HSF4: variants seen among roughly 807,000 people sequenced by gnomAD.
HSF4 encodes heat shock factor protein 4.
A neutral mutation model predicts 52.0 loss-of-function variants in HSF4; 41 were observed. The ratio of observed to expected loss-of-function variants is 0.79; its 90% CI spans 0.61 to 1.02. HSF4 has a LOEUF of 1.02. HSF4 is among the 50% of genes least tolerant of loss of function. The pLI is 0.00. For synonymous variants in HSF4, 285 were observed against 273.0 expected (o/e 1.04, Z -0.43); for missense variants, 610 against 651.1 (o/e 0.94, Z 0.69).
At position 67,169,606 on chromosome 16, in the gene HSF4, G is replaced by A. The variant is rs747515444; in HGVS notation, c.1325-25G>A. 4.4e-6 allele frequency: 7 copies of A among 1,602,962 alleles called. No homozygotes were observed. Among genetic ancestry groups the A allele is most frequent in the Admixed American group, 1.7e-5 (1 of 60,012 alleles). ...GAAAGGAGGGGGAACATTTCCCCTG[G>A]TGAGCGCAGTCCCACTTCTCCTAGG... On this transcript the variant is annotated intron_variant, in intron 12 of 12. Coordinates refer to ENST00000521374, the MANE Select transcript of HSF4 (RefSeq NM_001374675.1). The surrounding 1 kb of genome is among the most constrained non-coding windows in gnomAD (Gnocchi z 4.3).
At chr16:67,164,386 C>G, upstream of HSF4, 2 of 416,036 alleles carry the variant, frequency 4.8e-6, no homozygotes, top group Non-Finnish European at 9.7e-6. Flanking sequence ...GCCCCCCCTT[C>G]CTATCTGCTT....
Position 67,169,878 on chromosome 16 carries a change from C to G in HSF4, c.*93C>G. On this transcript the variant is annotated 3_prime_UTR_variant, in exon 13 of 13. Transcript: ENST00000521374. The surrounding 1 kb of genome is among the most constrained non-coding windows in gnomAD (Gnocchi z 4.3). ...CCCCTATCGGGGGTGAGCGAAGCCC[C>G]CACTACTAAATGGCCTCTCTCCACT... 1 of 1,377,928 alleles carries G rather than the reference C, an allele frequency of 7.3e-7. No homozygotes were observed. The highest frequency in any genetic ancestry group is 1.0e-6 in the Non-Finnish European group (1 of 970,296). 85.4% of individuals were successfully genotyped at this position (1,377,928 alleles called of 1,614,324 possible). A position where few individuals can be genotyped will look rare whatever the true frequency, so the allele number is the denominator to read the frequency against.
chr16:67,165,325 C>T lies in HSF4; in HGVS notation c.124-197C>T. 1.6e-6 allele frequency: 1 copy of T among 618,518 alleles called. No homozygotes were observed. Among genetic ancestry groups the T allele is most frequent in the South Asian group, 1.9e-5 (1 of 52,770 alleles). 38.3% of individuals were successfully genotyped at this position (618,518 alleles called of 1,614,324 possible). ...GTCAGGGTCTGGCTGGGGGTAGGGA[C>T]TCACTGTGGTCGCTCCAGGCTAGGC... On this transcript the variant is annotated intron_variant, in intron 1 of 12. Transcript: ENST00000521374. The surrounding 1 kb of genome is among the most constrained non-coding windows in gnomAD (Gnocchi z 6.9).
At chr16:67,167,301 A>G in intron 7 of HSF4, 79 bp downstream of exon 7, 1 of 1,610,194 alleles carries the variant, frequency 6.2e-7, no homozygotes, top group Non-Finnish European at 8.5e-7. Context: ...ATCCCCTAAA[A>G]GGAAGAGAAG....
upstream of HSF4, chr16:67,164,626 C>T (rs772601480): frequency 1.9e-3 from 1,214 of 623,946 alleles, 3 homozygotes; most frequent in Non-Finnish European, 3.0e-3. Flanking sequence ...TCCAGCCAGC[C>T]TTTTCTGCCT....
At chr16:67,164,129 G>C, upstream of HSF4, 2 of 660,848 alleles carry the variant, frequency 3.0e-6, no homozygotes, top group Non-Finnish European at 5.5e-6. Flanking sequence ...GCACGGGCGC[G>C]GGCCGGGCCT....
chr16:67,169,240 A>G lies in HSF4; in HGVS notation c.1255-39A>G. On this transcript the variant is annotated intron_variant, in intron 11 of 12. Transcript: ENST00000521374. The surrounding 1 kb of genome is among the most constrained non-coding windows in gnomAD (Gnocchi z 4.3). Reference sequence around the variant, plus strand: ...TTCCCAGCTGTCCCCCTCAGCTGCTAGGTCCCCTCCCCAGCTGCTCCCTGC... The same window carrying G: ...TTCCCAGCTGTCCCCCTCAGCTGCTGGGTCCCCTCCCCAGCTGCTCCCTGC... 6.2e-7 allele frequency: 1 copy of G among 1,611,964 alleles called. No individual in the cohort carries two copies. The highest frequency in any genetic ancestry group is 8.5e-7 in the Non-Finnish European group (1 of 1,179,498).
rs759106316 is a variant in HSF4 at position 67,167,469 on chromosome 16, T to G, written c.730-6T>G. The stretch of plus-strand genomic sequence containing the variant: ...CCAAGGGCTGGGCCTAGCCTTCTAC[T>G]TACAGCCTCTCCCAGAGACAAATTT... On this transcript the variant is annotated splice_polypyrimidine_tract_variant and splice_region_variant and intron_variant, in intron 7 of 12. Coordinates refer to ENST00000521374, the MANE Select transcript of HSF4 (RefSeq NM_001374675.1). 5.0e-6 allele frequency: 8 copies of G among 1,613,684 alleles called. No individual in the cohort carries two copies. The highest frequency in any genetic ancestry group is 1.3e-5 in the African/African-American group (1 of 74,944).
At position 67,166,546 on chromosome 16, in the gene HSF4, C is replaced by A; in HGVS notation, c.562-12C>A. ...GTCCAAAGTATGAATTAAACCTTTGCTTTCTCTTCAGCTGATCCAGTGTCT... is the reference window on the plus strand; with the variant it reads ...GTCCAAAGTATGAATTAAACCTTTGATTTCTCTTCAGCTGATCCAGTGTCT... On this transcript the variant is annotated splice_polypyrimidine_tract_variant and intron_variant, in intron 5 of 12. Transcript: ENST00000521374. The A allele has an allele frequency of 6.2e-7, 1 of 1,613,942 alleles. No homozygotes were observed. The highest frequency in any genetic ancestry group is 1.1e-5 in the South Asian group (1 of 91,084).
rs765098750 is a variant in HSF4 at position 67,166,413 on chromosome 16, CCTCGCTT to C, written c.561+22_561+28del. On this transcript the variant is annotated intron_variant, in intron 5 of 12. Transcript: ENST00000521374. ...TTGGCAAGGTGTTCCTCTCCCCAAG[CCTCGCTT>C]CTCCCTCCCACTCCTCGACACCCCA... 2.3e-5 allele frequency: 37 copies of C among 1,603,412 alleles called. No individual in the cohort carries two copies. In the East Asian group the frequency reaches 5.9e-4, roughly 25 times the overall value.
upstream of HSF4, chr16:67,164,554 C>A (rs912415027): frequency 4.1e-6 from 2 of 482,188 alleles, no homozygotes; most frequent in Admixed American, 2.3e-5. Flanking sequence ...ACTCATCTCA[C>A]CCCACCCCAC....
Position 67,167,508 on chromosome 16 carries a change from C to T in HSF4, c.763C>T (p.His255Tyr), listed in dbSNP as rs1398738101. The change falls in exon 8 of 13, where the codon CAC (histidine) becomes TAC (tyrosine). Residue 255 changes from histidine to tyrosine, a missense_variant. His to Tyr is a moderately conservative substitution (Grantham distance 83). Transcript: ENST00000521374. ...AGAGACAAATTTGGGCCTTAGCCCT[C>T]ACAGGGCCAGGGGCCCCATCATCTC... ...LPETNLGLSPHRARGPIISDI... is the reference protein window; with the variant it reads ...LPETNLGLSPYRARGPIISDI... 1 of 1,613,804 alleles carries T rather than the reference C, an allele frequency of 6.2e-7. No individual in the cohort carries two copies. Among genetic ancestry groups the T allele is most frequent in the South Asian group, 1.1e-5 (1 of 91,082 alleles).
At chr16:67,167,334 A>T in intron 7 of HSF4, 112 bp downstream of exon 7, 1 of 1,609,182 alleles carries the variant, frequency 6.2e-7, no homozygotes, top group Non-Finnish European at 8.5e-7. Flanking sequence ...CTTCCCCCCA[A>T]CCAGACCCAG....
In HSF4 at chr16:67,169,456, C is replaced by A; in HGVS notation, c.1324+108C>A. ...TTTGCAGGGAAATCCTGAGTTCAGGCTGCACTGCAGAGCGTTCCTTGAGCC... is the reference window on the plus strand; with the variant it reads ...TTTGCAGGGAAATCCTGAGTTCAGGATGCACTGCAGAGCGTTCCTTGAGCC... On this transcript the variant is annotated intron_variant, in intron 12 of 12. Coordinates refer to ENST00000521374, the MANE Select transcript of HSF4 (RefSeq NM_001374675.1). The surrounding 1 kb of genome is among the most constrained non-coding windows in gnomAD (Gnocchi z 4.3). 1 of 1,568,992 alleles carries A rather than the reference C, an allele frequency of 6.4e-7. No homozygotes were observed. Among genetic ancestry groups the A allele is most frequent in the Non-Finnish European group, 8.6e-7 (1 of 1,159,016 alleles).
chr16:67,164,625 C>A (rs1041731818), upstream of HSF4: 2 of 605,504 alleles, frequency 3.3e-6, no homozygotes, highest in Non-Finnish European at 2.9e-6. Flanking sequence ...ATCCAGCCAG[C>A]CTTTTCTGCC....
At chr16:67,167,400 C>G in intron 7 of HSF4, 75 bp from the exon 8 acceptor site, 1 of 1,612,882 alleles carries the variant, frequency 6.2e-7, no homozygotes, top group Non-Finnish European at 8.5e-7. Flanking sequence ...AGACCTGGCC[C>G]AGGTGGGTGT....
At chr16:67,168,770 G>C (rs2145926795) in intron 9 of HSF4, 61 bp from the exon 10 acceptor site, 1 of 1,274,328 alleles carries the variant, frequency 7.8e-7, no homozygotes, top group East Asian at 2.3e-5. Flanking sequence ...ATGCATCTGG[G>C]TTCCTTGGGA....
chr16:67,166,245 A>G (rs2031281442), intron 4 of HSF4, 75 bp from the exon 5 acceptor site: 17 of 1,476,628 alleles, frequency 1.2e-5, no homozygotes, highest in Non-Finnish European at 1.6e-5. Context: ...CTGGGTCCCC[A>G]GCCTCGCCAT....
In HSF4 at chr16:67,169,607, T is replaced by A. The variant is rs2031603110; in HGVS notation, c.1325-24T>A. The A allele has an allele frequency of 6.2e-7, 1 of 1,603,332 alleles. No individual in the cohort carries two copies. The highest frequency in any genetic ancestry group is 8.5e-7 in the Non-Finnish European group (1 of 1,179,886). ...AAAGGAGGGGGAACATTTCCCCTGGTGAGCGCAGTCCCACTTCTCCTAGGG... is the reference window on the plus strand; with the variant it reads ...AAAGGAGGGGGAACATTTCCCCTGGAGAGCGCAGTCCCACTTCTCCTAGGG... On this transcript the variant is annotated intron_variant, in intron 12 of 12. Transcript: ENST00000521374. This position sits in a 1 kb window ranked among gnomAD's most constrained non-coding sequence, Gnocchi z 4.3.
Sources: allele counts gnomAD v4.1 joint callset, GRCh38; gene constraint gnomAD v4.1.1; non-coding constraint Gnocchi (gnomAD v3.1); transcripts MANE v1.5; gene names NCBI Gene and HGNC (gene_info 2026-07-23, HGNC 2026-07-21).